Variants in POLB observed in about 807,000 individuals in gnomAD.
POLB encodes the protein DNA polymerase beta, also known as 5'-dRP lyase.
A neutral mutation model predicts 52.7 loss-of-function variants in POLB; 37 were observed. That is an observed-to-expected ratio of 0.70 (90% CI 0.54 to 0.92). POLB has a LOEUF of 0.92. POLB is among the 40% of genes least tolerant of loss of function. The pLI, the probability that POLB is intolerant of heterozygous loss-of-function variation, is 0.00. For missense variants in POLB, 313 were observed against 400.8 expected, an observed-to-expected ratio of 0.78 and a Z score of 1.87; for synonymous variants, 138 against 131.3, an observed-to-expected ratio of 1.05 and a Z score of -0.35.
At chr8:42,345,081 C>A in intron 3 of POLB, 62 bp downstream of exon 3, 1 of 1,073,684 alleles carries the variant, frequency 9.3e-7, no homozygotes, top group Non-Finnish European at 1.4e-6. Flanking sequence ...TGGGTTCCCA[C>A]CAAACCAAAC....
At chr8:42,339,972 A>T (rs1822097634) in intron 2 of POLB, 1 of 152,122 alleles carries the variant, frequency 6.6e-6, no homozygotes, top group South Asian at 2.1e-4. Flanking sequence ...TTCTCACTTT[A>T]TGGTGAATCT....
rs755709460 is a variant in POLB at position 42,369,286 on chromosome 8, C to T, written c.724C>T (p.Pro242Ser). The change falls in exon 12 of 14, where the codon CCC becomes TCC. Residue 242 changes from proline (P) to serine (S), a missense_variant. Physicochemically the swap from Pro to Ser is moderately conservative, Grantham distance 74. This residue lies in a region of POLB where 246 missense variants were observed against 297.6 expected (regional missense o/e 0.83). Transcript: ENST00000265421. ...TTCATTTTAGGGTGTTTGCCAGCTTCCCAGTAAAAATGATGAAAAAGAATA... is the reference window on the plus strand; with the variant it reads ...TTCATTTTAGGGTGTTTGCCAGCTTTCCAGTAAAAATGATGAAAAAGAATA... ...ETKFMGVCQL[P>S]SKNDEKEYPH... 6.3e-7 allele frequency: 1 copy of T among 1,583,910 alleles called. No homozygotes were observed. Among genetic ancestry groups the T allele is most frequent in the Non-Finnish European group, 8.7e-7 (1 of 1,153,984 alleles).
At chr8:42,371,249 G>A (rs774768626) in intron 13 of POLB, among the ~76,000 whole-genome samples, 1 of 152,056 alleles carries the variant, frequency 6.6e-6, no homozygotes, top group Non-Finnish European at 1.5e-5. Context: ...TCAACCTCCC[G>A]AGTAGCTGGG....
rs766603558 is a variant in POLB at position 42,363,926 on chromosome 8, C to CTTT, written c.708+1243_708+1245dup. Among the ~76,000 whole-genome samples the CTTT allele has an allele frequency of 5.3e-5, 7 of 132,358 alleles. No homozygotes were observed. The South Asian group carries it at 7.1e-4, about 13-fold the overall frequency. 86.8% of individuals were successfully genotyped at this position (132,358 alleles called of 152,430 possible). On this transcript the variant is annotated intron_variant, in intron 11 of 13. Transcript: ENST00000265421. Reference sequence around the variant, plus strand: ...CAGATAGAAATCTAGAATTACGATTCTTTTTTTTTTTTTTTTTGAAAAGGA... The same window carrying CTTT: ...CAGATAGAAATCTAGAATTACGATTCTTTTTTTTTTTTTTTTTTTTGAAAAGGA...
Position 42,357,068 on chromosome 8 carries a change from TCTG to T in POLB, c.423-97_423-95del, listed in dbSNP as rs3136759. 8.2e-4 allele frequency: 550 copies of T among 669,742 alleles called. 2 individuals are homozygous for T. The Middle Eastern group carries it at 0.012, about 15-fold the overall frequency. The allele number at this position is 669,742 out of a possible 1,614,324, so 41.5% of individuals were successfully genotyped here. Reference sequence around the variant, plus strand: ...TTCTAGCCTTGATTTGTGAGAATGATCTGCTGGTATGGCACGGACAATTGTTAT... The same window carrying T: ...TTCTAGCCTTGATTTGTGAGAATGATCTGGTATGGCACGGACAATTGTTAT... On this transcript the variant is annotated intron_variant, in intron 7 of 13. Transcript: ENST00000265421.
chr8:42,338,533 T>G lies in POLB; in HGVS notation c.-92T>G, dbSNP rs892304756. ...CGCGCCGGAGCTGGGTTGCTCCTGC[T>G]CCCGTCTCCAAGTCCTGGTACCTCC... On this transcript the variant is annotated 5_prime_UTR_variant, in exon 1 of 14. Transcript: ENST00000265421. 8.6e-7 allele frequency: 1 copy of G among 1,158,998 alleles called. No homozygotes were observed. The highest frequency in any genetic ancestry group is 1.3e-6 in the Non-Finnish European group (1 of 768,544). 71.8% of individuals were successfully genotyped at this position (1,158,998 alleles called of 1,614,324 possible). A position where few individuals can be genotyped will look rare whatever the true frequency, so the allele number is the denominator to read the frequency against.
chr8:42,343,345 A>AAAAAAAAAAT (rs1554531633), intron 2 of POLB, among the ~76,000 whole-genome samples: 1 of 33,054 alleles, frequency 3.0e-5, no homozygotes, highest in African/African-American at 5.9e-5. Context: ...AAAAAAAAAA[A>AAAAAAAAAAT]ATATATATAT....
In POLB at chr8:42,344,939, T is replaced by C. The variant is rs1235997300; in HGVS notation, c.120-14T>C. The C allele has an allele frequency of 1.3e-6, 2 of 1,552,294 alleles. No homozygotes were observed. Among genetic ancestry groups the C allele is most frequent in the Non-Finnish European group, 1.8e-6 (2 of 1,124,036 alleles). The stretch of plus-strand genomic sequence containing the variant: ...GGATTTCTAATTGGTTTTCCTTTTC[T>C]TCTTTCCTTATAGAAAAGCAGCATC... On this transcript the variant is annotated splice_polypyrimidine_tract_variant and intron_variant, in intron 2 of 13. Transcript: ENST00000265421.
rs535904535 is a variant in POLB, at chr8:42,349,220, A to G, written c.261+130A>G. 1.2e-4 allele frequency: 69 copies of G among 564,952 alleles called. No homozygotes were observed. The African/African-American group carries it at 1.3e-3, about 10-fold the overall frequency. The allele number at this position is 564,952 out of a possible 1,614,324, so 35.0% of individuals were successfully genotyped here. On this transcript the variant is annotated intron_variant, in intron 4 of 13. Transcript: ENST00000265421. ...ACAGGAAATGAGGTGAGTGAAGTTGATGGCTTTAACTTTTTGAATGTTATT... is the reference window on the plus strand; with the variant it reads ...ACAGGAAATGAGGTGAGTGAAGTTGGTGGCTTTAACTTTTTGAATGTTATT...
intron 9 of POLB, 164 bp downstream of exon 9, chr8:42,357,556 C>G (rs930430575): frequency 2.0e-6 from 1 of 498,838 alleles, no homozygotes; most frequent in African/African-American, 2.0e-5. Context: ...GAATATGTAA[C>G]TAGGGGAAAT....
chr8:42,371,582 G>T lies in POLB; in HGVS notation c.933G>T (p.Leu311=). 2 of 1,611,072 alleles carry T rather than the reference G, an allele frequency of 1.2e-6. No individual in the cohort carries two copies. The highest frequency in any genetic ancestry group is 1.7e-6 in the Non-Finnish European group (2 of 1,177,400). ...TTGCAGGAGTTGCAGGAGAACCCCT[G>T]CCAGTGGATAGTGAAAAAGACATCT... ...LGVTGVAGEP[L]PVDSEKDIFD... Residue 311 remains leucine, a synonymous_variant, in exon 14 of 14, where the codon CTG becomes CTT. Coordinates refer to ENST00000265421, the MANE Select transcript of POLB (RefSeq NM_002690.3).
At chr8:42,362,071 C>T (rs1210372571) in intron 10 of POLB, among the ~76,000 whole-genome samples, 1 of 151,894 alleles carries the variant, frequency 6.6e-6, no homozygotes, top group Non-Finnish European at 1.5e-5. Flanking sequence ...GACCATCCTG[C>T]CCAACATGGT....
At chr8:42,370,122 G>A in intron 13 of POLB, 134 bp downstream of exon 13, 4 of 743,796 alleles carry the variant, frequency 5.4e-6, no homozygotes, top group Non-Finnish European at 9.5e-6. Flanking sequence ...AGTCCTTCAG[G>A]CAACGAGAGA....
At chr8:42,346,609 G>A (rs1247008624) in intron 3 of POLB, among the ~76,000 whole-genome samples, 1 of 151,894 alleles carries the variant, frequency 6.6e-6, no homozygotes, top group Non-Finnish European at 1.5e-5. Context: ...GCCCAGGCTA[G>A]TCTTGAACTC....
rs1261243784 is a variant in POLB, at chr8:42,339,069, G to A, written c.119G>A (p.Arg40Lys). The A allele has an allele frequency of 6.2e-7, 1 of 1,611,002 alleles. No individual in the cohort carries two copies. Among genetic ancestry groups the A allele is most frequent in the Admixed American group, 1.7e-5 (1 of 60,024 alleles). The change falls in exon 2 of 14, where the codon AGA (arginine) becomes AAA (lysine). Residue 40 changes from arginine (R) to lysine (K), a missense_variant and splice_region_variant. Coordinates refer to ENST00000265421, the MANE Select transcript of POLB (RefSeq NM_002690.3). Reference sequence around the variant, plus strand: ...GCTATCCACAAGTACAATGCTTACAGGTGGGACAGTGCAGCATTCTCGGGT... The same window carrying A: ...GCTATCCACAAGTACAATGCTTACAAGTGGGACAGTGCAGCATTCTCGGGT... ...SQAIHKYNAYRKAASVIAKYP... is the reference protein window; with the variant it reads ...SQAIHKYNAYKKAASVIAKYP...
At chr8:42,352,630 T>C in intron 6 of POLB, 62 bp downstream of exon 6, 1 of 961,338 alleles carries the variant, frequency 1.0e-6, no homozygotes, top group Non-Finnish European at 1.7e-6. Flanking sequence ...CCATTAGTGC[T>C]CTAACAAACT....
chr8:42,371,427 T>C, intron 13 of POLB, 136 bp from the exon 14 acceptor site: 12 of 385,090 alleles, frequency 3.1e-5, no homozygotes, highest in East Asian at 1.8e-4. Context: ...CCGCCGGTCT[T>C]TTTTTTTTTA....
rs548999923 is a variant in POLB at position 42,353,082 on chromosome 8, AAAG to A, written c.370+522_370+524del. On this transcript the variant is annotated intron_variant, in intron 6 of 13. Transcript: ENST00000265421. ...GAGTAAGACTCTGTCTCAAAAAAAA[AAAG>A]AAGAAGACCAAGAACCAACCTCTTG... Among the ~76,000 whole-genome samples the A allele has an allele frequency of 5.4e-3, 816 of 152,042 alleles. 5 individuals are homozygous for A. Among genetic ancestry groups the A allele is most frequent in the African/African-American group, 0.019 (769 of 41,512 alleles).
At chr8:42,368,133 A>G (rs1824156448) in intron 11 of POLB, among the ~76,000 whole-genome samples, 1 of 152,228 alleles carries the variant, frequency 6.6e-6, no homozygotes, top group South Asian at 2.1e-4. Flanking sequence ...AAAGGAACAA[A>G]GCCATGAGAT....
Sources: allele counts gnomAD v4.1 joint callset (sites outside exome capture counted in the v4.1 genomes callset), GRCh38; gene constraint gnomAD v4.1.1; regional missense constraint gnomAD v4.1.1; transcripts MANE v1.5; gene names NCBI Gene and HGNC (gene_info 2026-07-23, HGNC 2026-07-21).